The following IL1RAPL2 variants were observed in gnomAD, a reference collection of about 807,000 sequenced individuals.
IL1RAPL2 encodes the protein interleukin 1 receptor accessory protein like 2.
A neutral mutation model predicts 44.1 loss-of-function variants in IL1RAPL2; 3 were observed. The observed-to-expected ratio is 0.07, with a 90% CI of 0.03 to 0.18. IL1RAPL2 has a LOEUF of 0.18. Among genes scored for constraint, IL1RAPL2 ranks in the 10% least tolerant of loss-of-function variants. The pLI, the probability that IL1RAPL2 is intolerant of heterozygous loss-of-function variation, is 1.00. For missense variants in IL1RAPL2, 391 were observed against 496.4 expected (o/e 0.79, Z 2.02); for synonymous variants, 181 against 178.8 (o/e 1.01, Z -0.10).
intron 1 of IL1RAPL2, among the ~76,000 whole-genome samples, chrX:104,596,333 T>C: frequency 9.0e-6 from 1 of 111,615 alleles, no homozygotes; most frequent in East Asian, 2.8e-4. Context: ...AGATTCATAA[T>C]GGAAGGAAAT....
chrX:105,227,854 A>C (rs2034032561), intron 3 of IL1RAPL2, among the ~76,000 whole-genome samples: 1 of 112,370 alleles, frequency 8.9e-6, no homozygotes, highest in Non-Finnish European at 1.9e-5. Context: ...TTTTTAAATA[A>C]GGTAAAATAT....
At chrX:105,153,833 T>G in intron 2 of IL1RAPL2, among the ~76,000 whole-genome samples, 1 of 110,917 alleles carries the variant, frequency 9.0e-6, no homozygotes, top group Non-Finnish European at 1.9e-5. Context: ...CCAAGGCTTT[T>G]GTCATGTATA....
At chrX:105,567,645 C>T (rs916004377) in intron 6 of IL1RAPL2, among the ~76,000 whole-genome samples, 1 of 111,640 alleles carries the variant, frequency 9.0e-6, no homozygotes, top group African/African-American at 3.3e-5. Context: ...AATTCCATTG[C>T]AATGTCATTC....
At position 104,795,769 on chromosome X, in the gene IL1RAPL2, T is replaced by G. The variant is rs1932846469; in HGVS notation, c.82+136774T>G. On this transcript the variant is annotated intron_variant, in intron 2 of 10. Transcript: ENST00000372582. ...TGAATAATTTGTGTGAACAAGTTGC[T>G]CCTGTCTGTAAGGAAACTGTTAAAT... Among the ~76,000 whole-genome samples the G allele has an allele frequency of 3.6e-5, 4 of 112,128 alleles. No homozygotes were observed. The South Asian group carries it at 1.5e-3, about 42-fold the overall frequency.
intron 2 of IL1RAPL2, among the ~76,000 whole-genome samples, chrX:105,192,658 G>T (rs781850401): frequency 1.3e-4 from 15 of 111,198 alleles, no homozygotes; most frequent in African/African-American, 3.9e-4. Context: ...GAAAATATTT[G>T]GTGGCACGTA....
chrX:105,032,844 T>G (rs2031536399), intron 2 of IL1RAPL2, among the ~76,000 whole-genome samples: 1 of 111,263 alleles, frequency 9.0e-6, no homozygotes, highest in South Asian at 3.8e-4. Flanking sequence ...TCTCCCATTA[T>G]TATTGTGTGG....
At chrX:105,106,520 T>C (rs1323654381) in intron 2 of IL1RAPL2, among the ~76,000 whole-genome samples, 1 of 111,442 alleles carries the variant, frequency 9.0e-6, no homozygotes, top group East Asian at 2.8e-4. Flanking sequence ...CAATATGAAA[T>C]ATAGAATTGG....
chrX:105,377,407 TGAGA>T (rs963422554), intron 5 of IL1RAPL2, among the ~76,000 whole-genome samples: 2 of 107,694 alleles, frequency 1.9e-5, no homozygotes, highest in African/African-American at 3.4e-5. Context: ...TGTGTGTGTG[TGAGA>T]GAGAGAGAGA....
At chrX:104,907,435 C>T (rs1376570879) in intron 2 of IL1RAPL2, among the ~76,000 whole-genome samples, 3 of 110,544 alleles carry the variant, frequency 2.7e-5, no homozygotes, top group South Asian at 4.0e-4. Flanking sequence ...CTCTTGTGGG[C>T]ATTTAGTGCT....
intron 2 of IL1RAPL2, among the ~76,000 whole-genome samples, chrX:105,046,551 C>T (rs1269452156): frequency 9.0e-6 from 1 of 111,527 alleles, no homozygotes; most frequent in Non-Finnish European, 1.9e-5. Context: ...GCTGATTCTT[C>T]TCTCTCCCAT....
chrX:104,908,433 G>A (rs1187186269), intron 2 of IL1RAPL2, among the ~76,000 whole-genome samples: 1 of 111,477 alleles, frequency 9.0e-6, no homozygotes, highest in Non-Finnish European at 1.9e-5. Context: ...ATTTTGCAGT[G>A]GCTGGTACCG....
rs759408332 is a variant in IL1RAPL2, at chrX:104,921,237, C to T, written c.82+262242C>T. Among the ~76,000 whole-genome samples, 29 of 105,682 alleles carry T rather than the reference C, an allele frequency of 2.7e-4. 1 individual carries two copies. Among genetic ancestry groups the T allele is most frequent in the Non-Finnish European group, 4.7e-4 (24 of 50,860 alleles). 91.8% of individuals were successfully genotyped at this position (105,682 alleles called of 115,157 possible). A position where few individuals can be genotyped will look rare whatever the true frequency, so the allele number is the denominator to read the frequency against. On this transcript the variant is annotated intron_variant, in intron 2 of 10. Transcript: ENST00000372582. ...GACAGCAAAAGCTGACTCTGAGCTC[C>T]CCCACCCCCACCCCAGAGCTTTGCA...
intron 4 of IL1RAPL2, among the ~76,000 whole-genome samples, chrX:105,254,210 A>G (rs1037978347): frequency 8.9e-6 from 1 of 111,838 alleles, no homozygotes; most frequent in Non-Finnish European, 1.9e-5. Context: ...CCTCACCAGC[A>G]TCTGTTATTT....
chrX:104,733,273 A>C (rs1226797544), intron 2 of IL1RAPL2, among the ~76,000 whole-genome samples: 1 of 111,490 alleles, frequency 9.0e-6, no homozygotes, highest in Admixed American at 9.6e-5. Flanking sequence ...TTGTGAAAGA[A>C]TGATTGTCTT....
chrX:104,569,275 C>T (rs1474158272), intron 1 of IL1RAPL2, among the ~76,000 whole-genome samples: 1 of 112,240 alleles, frequency 8.9e-6, no homozygotes, highest in African/African-American at 3.2e-5. Flanking sequence ...TTCTGCGGGG[C>T]TTCTACCACT....
intron 3 of IL1RAPL2, chrX:105,218,811 T>G: frequency 2.0e-6 from 1 of 492,709 alleles, no homozygotes. Flanking sequence ...TCTCTGAAGT[T>G]ATTCGTAAAG....
At chrX:105,678,442 T>C (rs1302590599) in intron 6 of IL1RAPL2, among the ~76,000 whole-genome samples, 1 of 111,886 alleles carries the variant, frequency 8.9e-6, no homozygotes, top group African/African-American at 3.2e-5. Context: ...CTAGGTCTTA[T>C]CTATTATTTC....
chrX:105,654,923 C>T (rs1315418628), intron 6 of IL1RAPL2, among the ~76,000 whole-genome samples: 1 of 111,612 alleles, frequency 9.0e-6, no homozygotes, highest in Non-Finnish European at 1.9e-5. Context: ...ATTCTCCCTC[C>T]CTGCTCTTCC....
chrX:105,700,994 T>G lies in IL1RAPL2; in HGVS notation c.773-16373T>G, dbSNP rs1486783954. ...TGCTCCTCTGGACCTCATCAATATT[T>G]CCTCCAGGGTCACATGTCCTATCTC... On this transcript the variant is annotated intron_variant, in intron 6 of 10. Transcript: ENST00000372582. 7.2e-5 allele frequency among the ~76,000 whole-genome samples: 8 copies of G among 111,036 alleles called. No homozygotes were observed. The Admixed American group carries it at 7.7e-4, about 11-fold the overall frequency.
Sources: allele counts gnomAD v4.1 joint callset (sites outside exome capture counted in the v4.1 genomes callset), GRCh38; gene constraint gnomAD v4.1.1; transcripts MANE v1.5; gene names NCBI Gene and HGNC (gene_info 2026-07-23, HGNC 2026-07-21).